SI: variants seen among roughly 807,000 people sequenced by gnomAD.
SI encodes sucrase-isomaltase, intestinal.
A neutral mutation model predicts 253.3 loss-of-function variants in SI; 235 were observed. The observed-to-expected ratio is 0.93, with a 90% CI of 0.83 to 1.03. The LOEUF (loss-of-function observed/expected upper bound fraction) is 1.03, where lower values mean the gene tolerates loss of function less well. SI is among the 50% of genes least tolerant of loss of function. SI has a pLI of 0.00. For synonymous variants in SI, 819 were observed against 712.0 expected (o/e 1.15, Z -2.39); for missense variants, 2,442 against 2,211.1 (o/e 1.10, Z -2.09).
intron 32 of SI, 83 bp from the exon 33 acceptor site, chr3:165,015,316 A>C (rs1718974121): frequency 1.2e-6 from 1 of 848,876 alleles, no homozygotes; most frequent in African/African-American, 1.7e-5. Context: ...ATAAGTTTTC[A>C]TTACTACATT....
chr3:165,065,112 C>G, intron 7 of SI, 149 bp downstream of exon 7: 1 of 581,056 alleles, frequency 1.7e-6, no homozygotes, highest in Non-Finnish European at 3.0e-6. Context: ...AATTGTCCCT[C>G]CCAAGCTAAA....
chr3:165,061,787 G>T (rs1713997174), intron 9 of SI, among the ~76,000 whole-genome samples: 1 of 151,874 alleles, frequency 6.6e-6, no homozygotes, highest in African/African-American at 2.4e-5. Flanking sequence ...AGCCCATATT[G>T]GGCTCAGGTA....
chr3:164,990,398 TAGAC>T (rs1717674674), intron 44 of SI, among the ~76,000 whole-genome samples: 1 of 152,098 alleles, frequency 6.6e-6, no homozygotes, highest in South Asian at 2.1e-4. Context: ...CTGCATATTA[TAGAC>T]AGAGATCATA....
chr3:165,024,159 A>T (rs1276832377), intron 25 of SI, among the ~76,000 whole-genome samples: 1 of 151,428 alleles, frequency 6.6e-6, no homozygotes, highest in Non-Finnish European at 1.5e-5. Context: ...ATGGCATTAT[A>T]ACATGCCTCT....
chr3:165,050,410 C>A (rs1713367378), intron 13 of SI, among the ~76,000 whole-genome samples: 1 of 151,924 alleles, frequency 6.6e-6, no homozygotes, highest in African/African-American at 2.4e-5. Context: ...ATTCAGAGAA[C>A]CCCAGGTGAG....
chr3:164,987,561 T>C (rs542258648), intron 44 of SI, among the ~76,000 whole-genome samples: 231 of 152,180 alleles, frequency 1.5e-3, no homozygotes, highest in African/African-American at 4.8e-3. Flanking sequence ...TACAAAAAAT[T>C]AGCTGGGCGT....
chr3:164,997,373 G>C, intron 38 of SI, among the ~76,000 whole-genome samples: 1 of 151,176 alleles, frequency 6.6e-6, no homozygotes, highest in East Asian at 1.9e-4. Context: ...TATTAAAATG[G>C]TAATGTCTTA....
chr3:165,002,183 C>T (rs1012029383), intron 37 of SI, among the ~76,000 whole-genome samples: 36 of 151,470 alleles, frequency 2.4e-4, no homozygotes, highest in African/African-American at 7.2e-4. Context: ...AATATTTGTC[C>T]GAAATTTGAA....
At chr3:165,002,803 T>C (rs898291304) in intron 37 of SI, among the ~76,000 whole-genome samples, 3 of 151,780 alleles carry the variant, frequency 2.0e-5, no homozygotes, top group Non-Finnish European at 4.4e-5. Flanking sequence ...CTGAAACATA[T>C]GAAAAATATA....
At chr3:165,020,251 G>C (rs1344378539) in intron 27 of SI, among the ~76,000 whole-genome samples, 1 of 151,354 alleles carries the variant, frequency 6.6e-6, no homozygotes, top group Non-Finnish European at 1.5e-5. Flanking sequence ...ACTCCCAATT[G>C]TGTTTTTCTT....
At chr3:164,985,304 C>A (rs192165738) in intron 45 of SI, among the ~76,000 whole-genome samples, 1 of 152,214 alleles carries the variant, frequency 6.6e-6, no homozygotes, top group Non-Finnish European at 1.5e-5. Context: ...AAACTTTACA[C>A]CCCTGGGAAA....
intron 37 of SI, among the ~76,000 whole-genome samples, chr3:165,002,382 C>T (rs1412801360): frequency 2.0e-5 from 3 of 151,816 alleles, no homozygotes; most frequent in African/African-American, 7.2e-5. Context: ...TTGTGTAAAA[C>T]TATCTGCAAT....
intron 6 of SI, among the ~76,000 whole-genome samples, chr3:165,066,080 G>A (rs1714231507): frequency 6.6e-6 from 1 of 151,804 alleles, no homozygotes; most frequent in Admixed American, 6.6e-5. Context: ...AAAGAATGGT[G>A]CATCTATACT....
intron 25 of SI, among the ~76,000 whole-genome samples, chr3:165,025,499 A>G (rs1177711895): frequency 6.6e-6 from 1 of 151,230 alleles, no homozygotes; most frequent in African/African-American, 2.4e-5. Flanking sequence ...GAGCTCAAAG[A>G]ACACTTGGGA....
At chr3:165,060,102 C>A in intron 9 of SI, 75 bp from the exon 10 acceptor site, 1 of 1,281,758 alleles carries the variant, frequency 7.8e-7, no homozygotes, top group Non-Finnish European at 1.1e-6. Flanking sequence ...GGTTAATGTG[C>A]CTCTTATTTT....
chr3:165,064,580 G>A (rs1012422636), intron 7 of SI, among the ~76,000 whole-genome samples: 2 of 151,770 alleles, frequency 1.3e-5, no homozygotes, highest in Non-Finnish European at 2.9e-5. Flanking sequence ...TATGATGTTT[G>A]GTCTCAAAAA....
intron 28 of SI, 93 bp from the exon 29 acceptor site, chr3:165,018,159 C>T: frequency 6.4e-6 from 5 of 779,094 alleles, no homozygotes; most frequent in Non-Finnish European, 1.1e-5. Context: ...ACAATCGAGA[C>T]TTGATATTTA....
At chr3:165,033,985 G>A (rs1158716285) in intron 22 of SI, among the ~76,000 whole-genome samples, 2 of 151,518 alleles carry the variant, frequency 1.3e-5, no homozygotes, top group African/African-American at 4.8e-5. Context: ...TACCATATAT[G>A]TAATATAACT....
intron 21 of SI, 76 bp from the exon 22 acceptor site, chr3:165,036,553 T>A (rs1006705176): frequency 1.0e-6 from 1 of 989,956 alleles, no homozygotes; most frequent in African/African-American, 1.6e-5. Flanking sequence ...ACAAGTCCAC[T>A]TCAACCTGTC....
Sources: allele counts gnomAD v4.1 joint callset (sites outside exome capture counted in the v4.1 genomes callset), GRCh38; gene constraint gnomAD v4.1.1; transcripts MANE v1.5; gene names NCBI Gene and HGNC (gene_info 2026-07-23, HGNC 2026-07-21).